Variants in SLC9C1 observed in about 807,000 individuals in gnomAD.
The protein encoded by SLC9C1 is sodium/hydrogen exchanger 10.
Under a neutral mutation model 140.9 loss-of-function variants are expected in SLC9C1, and 97 were observed. That is an observed-to-expected ratio of 0.69 (90% CI 0.58 to 0.82). The LOEUF is 0.82. SLC9C1 is among the 40% of genes least tolerant of loss of function. The pLI, the probability that SLC9C1 is intolerant of heterozygous loss-of-function variation, is 0.00. For synonymous variants in SLC9C1, 440 were observed against 442.6 expected, an observed-to-expected ratio of 0.99 and a Z score of 0.07; for missense variants, 1,340 against 1,389.3, an observed-to-expected ratio of 0.96 and a Z score of 0.56.
intron 20 of SLC9C1, among the ~76,000 whole-genome samples, chr3:112,193,237 T>G (rs565525091): frequency 2.6e-5 from 4 of 152,356 alleles, no homozygotes; most frequent in Non-Finnish European, 5.9e-5. Flanking sequence ...ACATGTCAGC[T>G]AACCTGGGGT....
intron 28 of SLC9C1, among the ~76,000 whole-genome samples, chr3:112,149,693 C>T (rs1441377236): frequency 6.6e-6 from 1 of 152,060 alleles, no homozygotes; most frequent in African/African-American, 2.4e-5. Context: ...AACAGAGAGC[C>T]CCACTGTACC....
chr3:112,146,462 T>G (rs932659340), intron 28 of SLC9C1, among the ~76,000 whole-genome samples: 3 of 152,226 alleles, frequency 2.0e-5, no homozygotes, highest in South Asian at 2.1e-4. Flanking sequence ...TTATAAACTT[T>G]ATGCTTAACA....
Position 112,286,800 on chromosome 3 carries a change from A to T in SLC9C1, c.-9T>A. On this transcript the variant is annotated 5_prime_UTR_variant, in exon 2 of 29. Coordinates refer to ENST00000305815, the MANE Select transcript of SLC9C1 (RefSeq NM_183061.3). ...TTAAATATTCCAGCCATGTTTCAGA[A>T]AAATTTTTATGCAGATTTATGTTAG... 2 of 1,606,736 alleles carry T rather than the reference A, an allele frequency of 1.2e-6. No individual in the cohort carries two copies. The highest frequency in any genetic ancestry group is 1.7e-6 in the Non-Finnish European group (2 of 1,175,500).
intron 10 of SLC9C1, among the ~76,000 whole-genome samples, chr3:112,253,961 A>C (rs1576454566): frequency 6.6e-6 from 1 of 152,236 alleles, no homozygotes; most frequent in East Asian, 1.9e-4. Flanking sequence ...CAGTATTAAC[A>C]GCAGAATAAA....
At chr3:112,285,729 T>C (rs1045894890) in intron 2 of SLC9C1, among the ~76,000 whole-genome samples, 1 of 152,132 alleles carries the variant, frequency 6.6e-6, no homozygotes, top group African/African-American at 2.4e-5. Context: ...AACAGCTATA[T>C]TTTTCCTTAT....
chr3:112,234,170 C>T (rs958331426), intron 12 of SLC9C1, among the ~76,000 whole-genome samples: 2 of 152,138 alleles, frequency 1.3e-5, no homozygotes, highest in African/African-American at 4.8e-5. Flanking sequence ...TAATGATCGC[C>T]ATCCTAAGTG....
At position 112,266,301 on chromosome 3, in the gene SLC9C1, A is replaced by G; in HGVS notation, c.815T>C (p.Ile272Thr). The G allele has an allele frequency of 6.2e-7, 1 of 1,611,160 alleles. No individual in the cohort carries two copies. Among genetic ancestry groups the G allele is most frequent in the South Asian group, 1.1e-5 (1 of 89,846 alleles). ...VGMSGIFTLAIVGLLLNSTSF... is the reference protein window; with the variant it reads ...VGMSGIFTLATVGLLLNSTSF... ...TGTAGAATTTAAAAGAAGTCCCACA[A>G]TGGCCAGAGTAAATATTCCTGACAT... Residue 272 changes from isoleucine to threonine, a missense_variant, in exon 8 of 29, where the codon ATT (isoleucine) becomes ACT (threonine). Transcript: ENST00000305815.
Position 112,189,109 on chromosome 3 carries a change from T to A in SLC9C1, c.2524-6851A>T, listed in dbSNP as rs796344603. 2.9e-4 allele frequency among the ~76,000 whole-genome samples: 44 copies of A among 152,266 alleles called. No homozygotes were observed. In the East Asian group the frequency reaches 3.9e-3, roughly 13 times the overall value. On this transcript the variant is annotated intron_variant, in intron 20 of 28. Transcript: ENST00000305815. ...TTTTCTTGTAAATTTGTTTGAGTTC[T>A]TTGTAGATTCTGGATATTAGCCCTT...
intron 20 of SLC9C1, among the ~76,000 whole-genome samples, chr3:112,198,755 C>T (rs2077828708): frequency 6.6e-6 from 1 of 151,748 alleles, no homozygotes; most frequent in Non-Finnish European, 1.5e-5. Flanking sequence ...CTACCCAATT[C>T]AGTTCACTAC....
At position 112,264,356 on chromosome 3, in the gene SLC9C1, G is replaced by GA; in HGVS notation, c.879-14dup. 2 of 1,356,402 alleles carry GA rather than the reference G, an allele frequency of 1.5e-6. No homozygotes were observed. Among genetic ancestry groups the GA allele is most frequent in the Non-Finnish European group, 1.9e-6 (2 of 1,039,728 alleles). The allele number at this position is 1,356,402 out of a possible 1,614,324, so 84.0% of individuals were successfully genotyped here. ...AAAAGTCCAGAATCTGCATCATTCA[G>GA]AAAAAATTAAAAATATTTATAATTA... On this transcript the variant is annotated splice_polypyrimidine_tract_variant and intron_variant, in intron 8 of 28. Transcript: ENST00000305815.
At position 112,286,763 on chromosome 3, in the gene SLC9C1, A is replaced by C; in HGVS notation, c.29T>G (p.Phe10Cys). The change falls in exon 2 of 29, where the codon TTC becomes TGC. Residue 10 changes from phenylalanine to cysteine, a missense_variant. Transcript: ENST00000305815. ...GACTTCAGGGAGGTCCTCAGTACTG[A>C]AAAAAAACTCCTTAAATATTCCAGC... MAGIFKEFF[F>C]STEDLPEVIL... 1.2e-6 allele frequency: 2 copies of C among 1,610,566 alleles called. No homozygotes were observed. Among genetic ancestry groups the C allele is most frequent in the Non-Finnish European group, 1.7e-6 (2 of 1,178,538 alleles).
rs60426511 is a variant in SLC9C1, at chr3:112,226,289, TGATA to T, written c.1572+5068_1573-5065del. 4.4e-3 allele frequency among the ~76,000 whole-genome samples: 670 copies of T among 152,166 alleles called. 4 individuals are homozygous for T. Among genetic ancestry groups the T allele is most frequent in the African/African-American group, 0.014 (590 of 41,518 alleles). On this transcript the variant is annotated intron_variant, in intron 13 of 28. Transcript: ENST00000305815. ...GAAATTAATCATGTTCCTCAACCAC[TGATA>T]GATCAAGAAAAAAAATTAAGAAGGT...
At chr3:112,214,167 A>G (rs1195569767) in intron 15 of SLC9C1, among the ~76,000 whole-genome samples, 1 of 152,260 alleles carries the variant, frequency 6.6e-6, no homozygotes, top group Non-Finnish European at 1.5e-5. Flanking sequence ...CAATAAGAAC[A>G]AAGACACAGC....
At chr3:112,248,088 C>G (rs2079343033) in intron 10 of SLC9C1, among the ~76,000 whole-genome samples, 1 of 152,142 alleles carries the variant, frequency 6.6e-6, no homozygotes, top group South Asian at 2.1e-4. Context: ...CTTATTCATT[C>G]TGAGAGAAGC....
In SLC9C1 at chr3:112,280,543, G is replaced by T. The variant is rs755464767; in HGVS notation, c.189+140C>A. 34 of 708,938 alleles carry T rather than the reference G, an allele frequency of 4.8e-5. No individual in the cohort carries two copies. The African/African-American group carries it at 6.3e-4, about 13-fold the overall frequency. The allele number at this position is 708,938 out of a possible 1,614,324, so 43.9% of individuals were successfully genotyped here. A position where few individuals can be genotyped will look rare whatever the true frequency, so the allele number is the denominator to read the frequency against. On this transcript the variant is annotated intron_variant, in intron 3 of 28. Coordinates refer to ENST00000305815, the MANE Select transcript of SLC9C1 (RefSeq NM_183061.3). ...TGGCTCCTTTTTCTACATACCTGACGTGATGCTAGCCACATCACAATCATC... is the reference window on the plus strand; with the variant it reads ...TGGCTCCTTTTTCTACATACCTGACTTGATGCTAGCCACATCACAATCATC...
intron 23 of SLC9C1, among the ~76,000 whole-genome samples, chr3:112,173,859 G>A (rs950707247): frequency 6.6e-6 from 1 of 152,290 alleles, no homozygotes; most frequent in African/African-American, 2.4e-5. Context: ...AATTGCCAAC[G>A]TTCTTTCCAC....
intron 10 of SLC9C1, among the ~76,000 whole-genome samples, chr3:112,261,542 T>C (rs2079772283): frequency 6.6e-6 from 1 of 152,068 alleles, no homozygotes; most frequent in African/African-American, 2.4e-5. Context: ...ATGTCTTTGA[T>C]GTTAGTATTT....
chr3:112,243,211 C>T (rs2079184519), intron 11 of SLC9C1, among the ~76,000 whole-genome samples: 2 of 152,170 alleles, frequency 1.3e-5, no homozygotes, highest in South Asian at 4.1e-4. Context: ...GATACATTCA[C>T]TTGTATGTTC....
At chr3:112,188,318 G>C (rs928531112) in intron 20 of SLC9C1, among the ~76,000 whole-genome samples, 1 of 152,078 alleles carries the variant, frequency 6.6e-6, no homozygotes, top group African/African-American at 2.4e-5. Context: ...CTTGTGCCGT[G>C]TTGGTTTGCT....
Sources: allele counts gnomAD v4.1 joint callset (sites outside exome capture counted in the v4.1 genomes callset), GRCh38; gene constraint gnomAD v4.1.1; transcripts MANE v1.5; gene names NCBI Gene and HGNC (gene_info 2026-07-23, HGNC 2026-07-21).